The following PSMC1 variants were observed in gnomAD, a reference collection of about 807,000 sequenced individuals.
PSMC1 encodes 26S proteasome regulatory subunit 4.
In PSMC1, 5 loss-of-function variants were observed where a neutral mutation model predicts 49.8. That is an observed-to-expected ratio of 0.10 (90% CI 0.05 to 0.21). The LOEUF (loss-of-function observed/expected upper bound fraction) is 0.21, where lower values mean the gene tolerates loss of function less well. Among genes scored for constraint, PSMC1 ranks in the 10% least tolerant of loss-of-function variants. The probability of loss-of-function intolerance (pLI) is 1.00; values close to 1 mark genes in which losing one functional copy is unlikely to be tolerated. For missense variants in PSMC1, 181 were observed against 535.7 expected (o/e 0.34, Z 6.54); for synonymous variants, 155 against 192.1 (o/e 0.81, Z 1.60).
rs998097410 is a variant in PSMC1 at position 90,273,641 on chromosome 14, A to G, written c.*1234A>G. 10 of 152,536 alleles carry G rather than the reference A, an allele frequency of 6.6e-5. No individual in the cohort carries two copies. Among genetic ancestry groups the G allele is most frequent in the African/African-American group, 9.6e-5 (4 of 41,476 alleles). The allele number at this position is 152,536 out of a possible 1,614,324, so 9.4% of individuals were successfully genotyped here. On this transcript the variant is annotated 3_prime_UTR_variant, in exon 11 of 11. Transcript: ENST00000261303. The stretch of plus-strand genomic sequence containing the variant: ...AGTCCAACACGAGTGTCTCCAGGCT[A>G]AAGTCTTGCTGTTGGCAGGACCGTT...
rs1488002945 is a variant in PSMC1, at chr14:90,265,085, C to T, written c.610C>T (p.Pro204Ser). The change falls in exon 7 of 11, where the codon CCT becomes TCT. Residue 204 changes from proline (P) to serine (S), a missense_variant. By Grantham distance (74) the Pro-to-Ser change is moderately conservative. Transcript: ENST00000261303. The part of the protein sequence containing the change: ...IQEIKESVEL[P>S]LTHPEYYEEM... ...TTTTTCATAGGAATCTGTGGAGCTT[C>T]CTCTCACCCATCCTGAATATTATGA... 1 of 1,611,444 alleles carries T rather than the reference C, an allele frequency of 6.2e-7. No individual in the cohort carries two copies.
chr14:90,257,884 C>G (rs1248930756), intron 1 of PSMC1, among the ~76,000 whole-genome samples: 1 of 152,242 alleles, frequency 6.6e-6, no homozygotes, highest in Non-Finnish European at 1.5e-5. Flanking sequence ...GCCACCGCGC[C>G]CGGCCTCATA....
intron 3 of PSMC1, among the ~76,000 whole-genome samples, chr14:90,260,465 T>C (rs183277233): frequency 3.6e-4 from 55 of 152,246 alleles, no homozygotes; most frequent in African/African-American, 8.4e-4. Context: ...GGTGCGGTGG[T>C]TCACGCCTGT....
At position 90,275,104 on chromosome 14, in the gene PSMC1, C is replaced by T. The variant is rs1239056186; in HGVS notation, c.*2697C>T. ...GTGCTGAGGAAACACCAGGCAAACA[C>T]AAACTGAGGAACATTCTACAAATTC... On this transcript the variant is annotated 3_prime_UTR_variant, in exon 11 of 11. Transcript: ENST00000261303. 1 of 152,224 alleles carries T rather than the reference C, an allele frequency of 6.6e-6. No homozygotes were observed. Among genetic ancestry groups the T allele is most frequent in the Non-Finnish European group, 1.5e-5 (1 of 68,064 alleles). The allele number at this position is 152,224 out of a possible 1,614,324, so 9.4% of individuals were successfully genotyped here. A position where few individuals can be genotyped will look rare whatever the true frequency, so the allele number is the denominator to read the frequency against.
intron 4 of PSMC1, 56 bp downstream of exon 4, chr14:90,263,498 G>A: frequency 1.3e-6 from 2 of 1,505,530 alleles, no homozygotes; most frequent in Non-Finnish European, 1.8e-6. Flanking sequence ...CTATAAAATT[G>A]TCAACAAATA....
chr14:90,263,375 A>G lies in PSMC1; in HGVS notation c.212A>G (p.Tyr71Cys), dbSNP rs988488094. The change falls in exon 4 of 11, where the codon TAT (tyrosine) becomes TGT (cysteine). Residue 71 changes from tyrosine to cysteine, a missense_variant. Tyr to Cys is a radical substitution (Grantham distance 194). Transcript: ENST00000261303. Reference protein sequence around the residue: ...KLLKLERIKDYLLMEEEFIRN... With the variant: ...KLLKLERIKDCLLMEEEFIRN... ...CTGAAGTTAGAGAGAATTAAAGACT[A>G]TCTTCTCATGGAGGAAGAATTCATT... 1.9e-6 allele frequency: 3 copies of G among 1,590,878 alleles called. No homozygotes were observed. Among genetic ancestry groups the G allele is most frequent in the East Asian group, 2.2e-5 (1 of 44,772 alleles).
chr14:90,264,562 G>T (rs555059526), intron 6 of PSMC1, among the ~76,000 whole-genome samples: 120 of 152,328 alleles, frequency 7.9e-4, no homozygotes, highest in African/African-American at 2.8e-3. Context: ...GCCTTCAGCA[G>T]CCCTGGGGGC....
intron 1 of PSMC1, 22 bp from the exon 2 acceptor site, chr14:90,259,138 G>A (rs1173704162): frequency 3.7e-6 from 6 of 1,612,888 alleles, no homozygotes; most frequent in East Asian, 2.2e-5. Context: ...ATTTACATCT[G>A]TGCCTGATTT....
intron 3 of PSMC1, 62 bp from the exon 4 acceptor site, chr14:90,263,256 T>C: frequency 1.3e-6 from 2 of 1,498,334 alleles, no homozygotes; most frequent in Non-Finnish European, 1.8e-6. Flanking sequence ...AATCTTAATA[T>C]TTTTTCCTTA....
At chr14:90,262,233 C>T (rs1891414176) in intron 3 of PSMC1, among the ~76,000 whole-genome samples, 2 of 149,962 alleles carry the variant, frequency 1.3e-5, no homozygotes, top group Admixed American at 1.3e-4. Flanking sequence ...ACCAACATGG[C>T]ACATGTATGC....
chr14:90,268,178 G>A (rs372416904), intron 7 of PSMC1, 46 bp from the exon 8 acceptor site: 784 of 1,446,800 alleles, frequency 5.4e-4, no homozygotes, highest in Non-Finnish European at 6.9e-4. Flanking sequence ...AGTTAAAATG[G>A]CACTTAAGGT....
rs922725865 is a variant in PSMC1, at chr14:90,272,685, C to T, written c.*278C>T. On this transcript the variant is annotated 3_prime_UTR_variant, in exon 11 of 11. Transcript: ENST00000261303. The surrounding 1 kb of genome is among the most constrained non-coding windows in gnomAD (Gnocchi z 4.5). ...GCTCAACAGCAGCCTGTGGGTGGAC[C>T]CAGCTACAGGGAAGCCTTTGGACAG... is the stretch of plus-strand genomic sequence containing the variant. 5 of 277,804 alleles carry T rather than the reference C, an allele frequency of 1.8e-5. No individual in the cohort carries two copies. Among genetic ancestry groups the T allele is most frequent in the African/African-American group, 4.5e-5 (2 of 44,396 alleles). 17.2% of individuals were successfully genotyped at this position (277,804 alleles called of 1,614,324 possible).
Position 90,264,111 on chromosome 14 carries a change from C to A in PSMC1, c.536C>A (p.Ala179Asp). The A allele has an allele frequency of 6.2e-7, 1 of 1,613,016 alleles. No individual in the cohort carries two copies. The highest frequency in any genetic ancestry group is 8.5e-7 in the Non-Finnish European group (1 of 1,179,738). The change falls in exon 6 of 11, where the codon GCC becomes GAC. Residue 179 changes from alanine (A) to aspartate (D), a missense_variant. Coordinates refer to ENST00000261303, the MANE Select transcript of PSMC1 (RefSeq NM_002802.3). The stretch of plus-strand genomic sequence containing the variant: ...GTCACAGTGATGAAGGTAGAAAAGG[C>A]CCCCCAGGAGACCTATGCAGATATT... ...PLVTVMKVEK[A>D]PQETYADIGG...
At chr14:90,261,682 G>C (rs943512036) in intron 3 of PSMC1, among the ~76,000 whole-genome samples, 11 of 152,134 alleles carry the variant, frequency 7.2e-5, no homozygotes, top group African/African-American at 2.7e-4. Context: ...GGAGAAATAG[G>C]AACACTTTTA....
chr14:90,264,867 T>TG (rs761468833), intron 6 of PSMC1, among the ~76,000 whole-genome samples: 9 of 152,192 alleles, frequency 5.9e-5, no homozygotes, highest in Admixed American at 1.3e-4. Context: ...GTTAGGGAGA[T>TG]GGAACGGGTG....
rs1306967112 is a variant in PSMC1 at position 90,264,112 on chromosome 14, C to T, written c.537C>T (p.Ala179=). 5 of 1,613,192 alleles carry T rather than the reference C, an allele frequency of 3.1e-6. No individual in the cohort carries two copies. Among genetic ancestry groups the T allele is most frequent in the Non-Finnish European group, 8.5e-7 (1 of 1,179,772 alleles). ...TCACAGTGATGAAGGTAGAAAAGGC[C>T]CCCCAGGAGACCTATGCAGATATTG... ...PLVTVMKVEK[A]PQETYADIGG... Residue 179 remains alanine, a synonymous_variant, in exon 6 of 11, where the codon GCC becomes GCT. Coordinates refer to ENST00000261303, the MANE Select transcript of PSMC1 (RefSeq NM_002802.3).
At chr14:90,259,790 T>G (rs1891362068) in intron 2 of PSMC1, among the ~76,000 whole-genome samples, 2 of 151,746 alleles carry the variant, frequency 1.3e-5, no homozygotes, top group Non-Finnish European at 2.9e-5. Context: ...CCCGGCTAAT[T>G]TTTGTATTTT....
chr14:90,257,889 CTCATAGAGG>C (rs1176811819), intron 1 of PSMC1, among the ~76,000 whole-genome samples: 1 of 152,218 alleles, frequency 6.6e-6, no homozygotes, highest in African/African-American at 2.4e-5. Context: ...CGCGCCCGGC[CTCATAGAGG>C]TCTTATACGG....
chr14:90,274,795 CACACACA>C lies in PSMC1; in HGVS notation c.*2389_*2395del, dbSNP rs1646409032. 5.0e-5 allele frequency: 2 copies of C among 40,228 alleles called. No individual in the cohort carries two copies. 2.5% of individuals were successfully genotyped at this position (40,228 alleles called of 1,614,324 possible). A position where few individuals can be genotyped will look rare whatever the true frequency, so the allele number is the denominator to read the frequency against. On this transcript the variant is annotated 3_prime_UTR_variant, in exon 11 of 11. Coordinates refer to ENST00000261303, the MANE Select transcript of PSMC1 (RefSeq NM_002802.3). ...CCCTTTAAATAGGGAACTACACACA[CACACACA>C]CACACACACACACACACACACACAC...
Sources: gnomAD v4.1 joint callset for allele counts (sites outside exome capture counted in the v4.1 genomes callset) on GRCh38, gnomAD v4.1.1 for gene constraint, Gnocchi (gnomAD v3.1) non-coding constraint, MANE v1.5 for transcripts, NCBI Gene and HGNC (gene_info 2026-07-23, HGNC 2026-07-21) for gene names.